The following DIS3L variants were observed in gnomAD, a reference collection of about 807,000 sequenced individuals.
The protein encoded by DIS3L is DIS3 like exosome 3'-5' exoribonuclease, also known as DIS3-like exonuclease 1.
In DIS3L, 100 loss-of-function variants were observed where a neutral mutation model predicts 120.3. That is an observed-to-expected ratio of 0.83 (90% CI 0.71 to 0.98). The LOEUF (loss-of-function observed/expected upper bound fraction) is 0.98. Ranked by LOEUF, DIS3L falls within the 50% of genes least tolerant of loss-of-function variation. DIS3L has a pLI of 0.00. For synonymous variants in DIS3L, 426 were observed against 470.6 expected, an observed-to-expected ratio of 0.91 and a Z score of 1.23; for missense variants, 1,196 against 1,314.2, an observed-to-expected ratio of 0.91 and a Z score of 1.39.
In DIS3L at chr15:66,320,614, C is replaced by T. The variant is rs377165135; in HGVS notation, c.1208C>T (p.Ser403Phe). Residue 403 changes from serine (S) to phenylalanine (F), a missense_variant, in exon 9 of 17, where the codon TCT (serine) becomes TTT (phenylalanine). Transcript: ENST00000319212. ...CGCATCGATTCCTGGGAGTCAACAT[C>T]TGTGTATCCAAATGGACATTTTGTG... ...VVRIDSWEST[S>F]VYPNGHFVRV... 6.2e-7 allele frequency: 1 copy of T among 1,613,992 alleles called. No individual in the cohort carries two copies. Among genetic ancestry groups the T allele is most frequent in the South Asian group, 1.1e-5 (1 of 91,038 alleles).
At chr15:66,294,051 AG>A in intron 1 of DIS3L, 1 of 986,728 alleles carries the variant, frequency 1.0e-6, no homozygotes. Context: ...GCGGAAGCCG[AG>A]GCCTCCTCCC....
Position 66,326,364 on chromosome 15 carries a change from G to A in DIS3L, c.2201G>A (p.Arg734Gln), listed in dbSNP as rs762115173. 41 of 1,611,792 alleles carry A rather than the reference G, an allele frequency of 2.5e-5. No homozygotes were observed. The highest frequency in any genetic ancestry group is 8.4e-5 in the Admixed American group (5 of 59,880). ...GCCAAAGGCTTCTTCATAGATACAC[G>A]GTATTCCTCTTTTGAGGGGGCAGAG... ...AKAKGFFIDTRSNKTLADSLD... is the reference protein window; with the variant it reads ...AKAKGFFIDTQSNKTLADSLD... Residue 734 changes from arginine to glutamine, a missense_variant and splice_region_variant, in exon 12 of 17, where the codon CGG (arginine) becomes CAG (glutamine). Transcript: ENST00000319212.
intron 12 of DIS3L, 38 bp from the exon 13 acceptor site, chr15:66,328,932 G>C (rs1456793940): frequency 1.0e-5 from 16 of 1,598,716 alleles, no homozygotes; most frequent in Non-Finnish European, 1.4e-5. Context: ...GTAAATTACT[G>C]TCTGGGACTA....
intron 14 of DIS3L, 170 bp downstream of exon 14, chr15:66,329,569 G>T: frequency 7.6e-7 from 1 of 1,315,000 alleles, no homozygotes; most frequent in Non-Finnish European, 9.7e-7. Flanking sequence ...TTGTGGATTT[G>T]GGAGATTTGA....
intron 6 of DIS3L, among the ~76,000 whole-genome samples, chr15:66,314,596 G>C (rs2092798593): frequency 6.6e-6 from 1 of 152,206 alleles, no homozygotes. Context: ...GGTGGAGAGA[G>C]AATGAGAAAC....
intron 7 of DIS3L, among the ~76,000 whole-genome samples, chr15:66,316,779 C>T (rs1206351725): frequency 6.6e-6 from 1 of 152,180 alleles, no homozygotes; most frequent in Non-Finnish European, 1.5e-5. Context: ...CATGCTACTA[C>T]ACTCCAGCCT....
chr15:66,294,847 A>G lies in DIS3L; in HGVS notation c.140-141A>G, dbSNP rs567581114. On this transcript the variant is annotated intron_variant, in intron 1 of 16. Coordinates refer to ENST00000319212, the MANE Select transcript of DIS3L (RefSeq NM_001143688.3). ...CAATATACCTGAACTTTGGGCCTCT[A>G]CCAAAGTAGATTTGTCTTTTAAAAA... The G allele has an allele frequency of 4.4e-6, 4 of 902,444 alleles. No homozygotes were observed. In the East Asian group the frequency reaches 1.1e-4, roughly 24 times the overall value. 55.9% of individuals were successfully genotyped at this position (902,444 alleles called of 1,614,324 possible).
rs148009702 is a variant in DIS3L at position 66,313,298 on chromosome 15, G to A, written c.736-741G>A. On this transcript the variant is annotated intron_variant, in intron 5 of 16. Transcript: ENST00000319212. ...CGTGAGCCACCGTGCCTAGCCCCTG[G>A]GAGGATATTTTGAGATAGAAGATTT... is the stretch of plus-strand genomic sequence containing the variant. Among the ~76,000 whole-genome samples the A allele has an allele frequency of 5.1e-4, 78 of 152,160 alleles. 2 individuals are homozygous for A. In the East Asian group the frequency reaches 0.015, roughly 29 times the overall value.
intron 2 of DIS3L, among the ~76,000 whole-genome samples, chr15:66,304,613 T>C (rs1375032287): frequency 6.6e-6 from 1 of 152,124 alleles, no homozygotes; most frequent in African/African-American, 2.4e-5. Context: ...TATTAAGATA[T>C]TTTATGGCCG....
At chr15:66,316,706 C>T (rs1301270450) in intron 7 of DIS3L, among the ~76,000 whole-genome samples, 1 of 152,164 alleles carries the variant, frequency 6.6e-6, no homozygotes, top group Non-Finnish European at 1.5e-5. Flanking sequence ...GTCCCAGCTA[C>T]TGGGAAGCTG....
At chr15:66,304,297 AC>A (rs2092680662) in intron 2 of DIS3L, among the ~76,000 whole-genome samples, 1 of 151,308 alleles carries the variant, frequency 6.6e-6, no homozygotes, top group Non-Finnish European at 1.5e-5. Context: ...CAAAAAAAAT[AC>A]AAAAATTAGC....
Position 66,306,840 on chromosome 15 carries a change from C to T in DIS3L, c.310C>T (p.Arg104Ter), listed in dbSNP as rs755849191. 1.6e-5 allele frequency: 26 copies of T among 1,613,900 alleles called. No individual in the cohort carries two copies. The South Asian group carries it at 1.9e-4, about 12-fold the overall frequency. Residue 104 changes from arginine to a stop codon, truncating the protein, a stop_gained, in exon 3 of 17, where the codon CGA (arginine) becomes TGA (stop). Transcript: ENST00000319212. LOFTEE classifies it high-confidence loss of function. ...QRGRRQYNKL[R>*]NLLKDARHDC... is the part of the protein sequence containing the mutation. ...GTGTCACAGACAGTATAACAAACTGCGAAACCTGCTGAAGGATGCGCGTCA... is the reference window on the plus strand; with the variant it reads ...GTGTCACAGACAGTATAACAAACTGTGAAACCTGCTGAAGGATGCGCGTCA...
chr15:66,299,302 G>A (rs1319753094), intron 2 of DIS3L, among the ~76,000 whole-genome samples: 1 of 152,204 alleles, frequency 6.6e-6, no homozygotes, highest in Non-Finnish European at 1.5e-5. Flanking sequence ...CCAGCACTTT[G>A]GGAGGTGGAG....
intron 4 of DIS3L, 109 bp downstream of exon 4, chr15:66,308,953 G>A (rs919386167): frequency 1.5e-5 from 20 of 1,351,670 alleles, no homozygotes; most frequent in Non-Finnish European, 1.9e-5. Flanking sequence ...TAGACATTAA[G>A]TTCCATTTTG....
At chr15:66,309,651 A>G (rs370981908) in intron 4 of DIS3L, among the ~76,000 whole-genome samples, 7 of 152,326 alleles carry the variant, frequency 4.6e-5, no homozygotes, top group Admixed American at 2.0e-4. Flanking sequence ...GTTAAAAGTC[A>G]CACAGTAGAA....
At chr15:66,300,593 A>G (rs559787731) in intron 2 of DIS3L, among the ~76,000 whole-genome samples, 8 of 152,342 alleles carry the variant, frequency 5.3e-5, no homozygotes, top group South Asian at 2.1e-4. Flanking sequence ...TAAAATCTCT[A>G]GAACTAGTGA....
intron 1 of DIS3L, 69 bp downstream of exon 1, chr15:66,293,804 G>C (rs1039629196): frequency 9.2e-7 from 1 of 1,090,028 alleles, no homozygotes; most frequent in Non-Finnish European, 1.1e-6. Flanking sequence ...GGCTGAGCGC[G>C]GCCGGGAGGC....
rs1206817109 is a variant in DIS3L at position 66,293,685 on chromosome 15, G to A, written c.89G>A (p.Cys30Tyr). 7.1e-7 allele frequency: 1 copy of A among 1,401,228 alleles called. No individual in the cohort carries two copies. Among genetic ancestry groups the A allele is most frequent in the Non-Finnish European group, 9.3e-7 (1 of 1,073,060 alleles). 86.8% of individuals were successfully genotyped at this position (1,401,228 alleles called of 1,614,324 possible). ...GTGCGCGAGCACTACCTGCGGCCCTGCGTGCCCTGCCACAGCCCGCTCTGC... is the reference window on the plus strand; with the variant it reads ...GTGCGCGAGCACTACCTGCGGCCCTACGTGCCCTGCCACAGCCCGCTCTGC... Reference protein sequence around the residue: ...RIVREHYLRPCVPCHSPLCPQ... With the variant: ...RIVREHYLRPYVPCHSPLCPQ... Residue 30 changes from cysteine to tyrosine, a missense_variant, in exon 1 of 17, where the codon TGC becomes TAC. By Grantham distance (194) the Cys-to-Tyr change is radical. Transcript: ENST00000319212.
chr15:66,317,357 AAAAAAG>A (rs2092829515), intron 7 of DIS3L, among the ~76,000 whole-genome samples: 4 of 151,672 alleles, frequency 2.6e-5, no homozygotes, highest in Non-Finnish European at 2.9e-5. Context: ...AAAAAAAAAA[AAAAAAG>A]AAAAAAGAGA....
Sources: gnomAD v4.1 joint callset for allele counts (sites outside exome capture counted in the v4.1 genomes callset) on GRCh38, gnomAD v4.1.1 for gene constraint, MANE v1.5 for transcripts, NCBI Gene and HGNC (gene_info 2026-07-23, HGNC 2026-07-21) for gene names.